EEIG2: variants seen among roughly 807,000 people sequenced by gnomAD.
EEIG2 encodes EEIG family member 2.
At chr1:108,601,444 ATGGTATTT>A in the EEIG2 span, among the ~76,000 whole-genome samples, 4 of 151,872 alleles carry the variant, frequency 2.6e-5, no homozygotes, top group African/African-American at 9.6e-5. Flanking sequence ...TACCATTGCC[ATGGTATTT>A]TAAGTATTAC....
At chr1:108,610,791 A>C in the EEIG2 span, among the ~76,000 whole-genome samples, 5 of 152,086 alleles carry the variant, frequency 3.3e-5, no homozygotes. Flanking sequence ...AAAATTAGCC[A>C]GGCGTGGTGG....
At chr1:108,603,380 G>C in the EEIG2 span, among the ~76,000 whole-genome samples, 1 of 152,160 alleles carries the variant, frequency 6.6e-6, no homozygotes, top group Non-Finnish European at 1.5e-5. Context: ...AACACCTCAG[G>C]CTTTCAGTTG....
the EEIG2 span, among the ~76,000 whole-genome samples, chr1:108,621,189 T>G: frequency 6.6e-6 from 1 of 152,344 alleles, no homozygotes; most frequent in Admixed American, 6.5e-5. Flanking sequence ...TCCCATTTCT[T>G]TTTCTATACT....
the EEIG2 span, chr1:108,625,572 A>G: frequency 6.6e-6 from 1 of 152,148 alleles, no homozygotes; most frequent in Non-Finnish European, 1.5e-5. Flanking sequence ...ACTTGTAACC[A>G]TTCCATTAGC....
At chr1:108,621,468 CA>C in the EEIG2 span, among the ~76,000 whole-genome samples, 1 of 152,158 alleles carries the variant, frequency 6.6e-6, no homozygotes, top group South Asian at 2.1e-4. Flanking sequence ...CTGATATTAT[CA>C]AGGGTTGCAG....
chr1:108,631,277 T>C, the EEIG2 span, among the ~76,000 whole-genome samples: 1 of 152,362 alleles, frequency 6.6e-6, no homozygotes, highest in South Asian at 2.1e-4. Flanking sequence ...ATTGGCCCAC[T>C]ACCTGTATTT....
At chr1:108,612,250 G>A in the EEIG2 span, 1 of 1,613,730 alleles carries the variant, frequency 6.2e-7, no homozygotes, top group Non-Finnish European at 8.5e-7. Context: ...TTTACTGGAA[G>A]GCTATGATAC....
chr1:108,580,061 G>C, the EEIG2 span, among the ~76,000 whole-genome samples: 1 of 152,234 alleles, frequency 6.6e-6, no homozygotes, highest in African/African-American at 2.4e-5. Flanking sequence ...CACTGTGCCT[G>C]GCTCAGTGCT....
the EEIG2 span, chr1:108,637,036 G>C: frequency 6.6e-6 from 1 of 152,170 alleles, no homozygotes; most frequent in Admixed American, 6.5e-5. Flanking sequence ...CATCAGACAC[G>C]TAAGAGGTGC....
chr1:108,560,378 A>AGGC, the EEIG2 span: 66 of 1,469,982 alleles, frequency 4.5e-5, no homozygotes, highest in African/African-American at 9.8e-4. Context: ...GGCCAAGCTG[A>AGGC]GGCGGCGGCG....
chr1:108,588,967 C>T, the EEIG2 span, among the ~76,000 whole-genome samples: 1 of 152,080 alleles, frequency 6.6e-6, no homozygotes, highest in South Asian at 2.1e-4. Context: ...AGCAAATATT[C>T]ATTTGAGGTC....
chr1:108,560,237 G>C, the EEIG2 span: 1 of 175,222 alleles, frequency 5.7e-6, no homozygotes, highest in Non-Finnish European at 1.1e-5. Context: ...AGCTGCCGCC[G>C]CGTTCCGGCC....
the EEIG2 span, among the ~76,000 whole-genome samples, chr1:108,617,245 A>G: frequency 6.6e-6 from 1 of 152,172 alleles, no homozygotes; most frequent in Non-Finnish European, 1.5e-5. Flanking sequence ...TAGAAAAGCT[A>G]TTGGAGGTTT....
chr1:108,571,062 T>G, the EEIG2 span, among the ~76,000 whole-genome samples: 2 of 152,238 alleles, frequency 1.3e-5, no homozygotes, highest in Non-Finnish European at 2.9e-5. Context: ...CTAGGGCGTG[T>G]TGTTTGCATG....
the EEIG2 span, among the ~76,000 whole-genome samples, chr1:108,584,042 A>G: frequency 6.6e-6 from 1 of 152,142 alleles, no homozygotes; most frequent in African/African-American, 2.4e-5. Context: ...AAAAGTTTCA[A>G]TGGAGTTGTA....
chr1:108,632,808 A>G, the EEIG2 span, among the ~76,000 whole-genome samples: 2 of 151,710 alleles, frequency 1.3e-5, no homozygotes, highest in Non-Finnish European at 2.9e-5. Flanking sequence ...ACCAAATGGA[A>G]TTTTTTTTTC....
the EEIG2 span, among the ~76,000 whole-genome samples, chr1:108,568,672 A>G: frequency 6.6e-6 from 1 of 152,220 alleles, no homozygotes. Context: ...CTTTCATATG[A>G]AGTCCAACCT....
At chr1:108,624,536 G>A in the EEIG2 span, 2 of 728,562 alleles carry the variant, frequency 2.7e-6, no homozygotes, top group Non-Finnish European at 2.2e-6. Context: ...TCTCAAAGGG[G>A]TAACATTACC....
chr1:108,615,680 G>C, the EEIG2 span, among the ~76,000 whole-genome samples: 2 of 151,954 alleles, frequency 1.3e-5, no homozygotes, highest in Non-Finnish European at 2.9e-5. Context: ...TACTCAGAAG[G>C]CTGAGACAGG....
Sources: allele counts gnomAD v4.1 joint callset (sites outside exome capture counted in the v4.1 genomes callset), GRCh38; gene constraint gnomAD v4.1.1; transcripts MANE v1.5; gene names NCBI Gene and HGNC (gene_info 2026-07-23, HGNC 2026-07-21).